CROCC2: variants seen among roughly 807,000 people sequenced by gnomAD.
CROCC2 encodes ciliary rootlet coiled-coil protein 2.
Under a neutral mutation model 177.6 loss-of-function variants are expected in CROCC2, and 163 were observed. The observed-to-expected ratio is 0.92, with a 90% CI of 0.81 to 1.05. The LOEUF (loss-of-function observed/expected upper bound fraction) is 1.05. Ranked by LOEUF, CROCC2 falls within the 50% of genes least tolerant of loss-of-function variation. CROCC2 has a pLI of 0.00. For synonymous variants in CROCC2, 904 were observed against 787.3 expected, an observed-to-expected ratio of 1.15 and a Z score of -2.48; for missense variants, 1,929 against 1,797.8, an observed-to-expected ratio of 1.07 and a Z score of -1.32.
At chr2:240,930,118 G>A (rs991107043) in intron 5 of CROCC2, 48 bp from the exon 6 acceptor site, 1 of 531,468 alleles carries the variant, frequency 1.9e-6, no homozygotes, top group African/African-American at 1.9e-5. Flanking sequence ...CTTCAGGGAG[G>A]GTAAAGGGGC....
At chr2:240,944,958 A>C (rs571702803) in intron 14 of CROCC2, among the ~76,000 whole-genome samples, 45 of 152,194 alleles carry the variant, frequency 3.0e-4, no homozygotes, top group Admixed American at 5.2e-4. Context: ...TGTTTTTGAG[A>C]GAGGGTCTCA....
In CROCC2 at chr2:240,934,384, T is replaced by A; in HGVS notation, c.1700T>A (p.Leu567Gln). 6.5e-7 allele frequency: 1 copy of A among 1,548,738 alleles called. No homozygotes were observed. The highest frequency in any genetic ancestry group is 8.7e-7 in the Non-Finnish European group (1 of 1,146,904). ...EEKVSGLREE[L>Q]ASVREALSTA... ...AAGGTCTCCGGGCTCAGAGAGGAGC[T>A]GGCATCGGTCCGGGAGGCACTGAGC... is the stretch of plus-strand genomic sequence containing the variant. Residue 567 changes from leucine (L) to glutamine (Q), a missense_variant, in exon 12 of 32, where the codon CTG becomes CAG. This residue lies in a region of CROCC2 where 1,397 missense variants were observed against 1,239.9 expected (regional missense o/e 1.13). Coordinates refer to ENST00000690015, the MANE Select transcript of CROCC2 (RefSeq NM_001351305.2).
rs571630659 is a variant in CROCC2, at chr2:240,921,628, G to A, written c.382-911G>A. ...GCAAAGTGTGGGTGCCAGGAGGCTG[G>A]GTCTAACTCCAAGTTACCCCCAAGA... On this transcript the variant is annotated intron_variant, in intron 3 of 31. Transcript: ENST00000690015. Among the ~76,000 whole-genome samples the A allele has an allele frequency of 1.3e-4, 20 of 152,334 alleles. No homozygotes were observed. The East Asian group carries it at 3.5e-3, about 27-fold the overall frequency.
chr2:240,914,990 C>T (rs1375778628), intron 1 of CROCC2, among the ~76,000 whole-genome samples: 1 of 152,250 alleles, frequency 6.6e-6, no homozygotes, highest in Non-Finnish European at 1.5e-5. Flanking sequence ...CCAGATAAAG[C>T]CAAGACTCGG....
intron 10 of CROCC2, among the ~76,000 whole-genome samples, 152 bp from the exon 11 acceptor site, chr2:240,933,518 A>G (rs1009376668): frequency 6.6e-6 from 1 of 151,856 alleles, no homozygotes; most frequent in Non-Finnish European, 1.5e-5. Context: ...GGTGGGACAC[A>G]CCCGCCAGTG....
Position 240,989,663 on chromosome 2 carries a change from A to G in CROCC2, c.4693A>G (p.Thr1565Ala). ...CAAGTTCTCACTCCAGGCCCAGATG[A>G]CAGAGATGGAGCAGGCCCACACCCA... ...RQNQQLQAQM[T>A]EMEQAHTQRL... The change falls in exon 30 of 32, where the codon ACA becomes GCA. Residue 1565 changes from threonine (T) to alanine (A), a missense_variant. Coordinates refer to ENST00000690015, the MANE Select transcript of CROCC2 (RefSeq NM_001351305.2). 6.5e-7 allele frequency: 1 copy of G among 1,545,626 alleles called. No individual in the cohort carries two copies. The highest frequency in any genetic ancestry group is 8.7e-7 in the Non-Finnish European group (1 of 1,143,404).
intron 19 of CROCC2, chr2:240,959,070 C>G (rs1002604995): frequency 9.8e-6 from 5 of 509,822 alleles, no homozygotes; most frequent in Non-Finnish European, 1.7e-5. Flanking sequence ...TGTCCGTGGG[C>G]ACTCACACAT....
At position 240,920,477 on chromosome 2, in the gene CROCC2, C is replaced by G. The variant is rs150209945; in HGVS notation, c.381+343C>G. On this transcript the variant is annotated intron_variant, in intron 3 of 31. Coordinates refer to ENST00000690015, the MANE Select transcript of CROCC2 (RefSeq NM_001351305.2). ...GGGTGGCCTGGCCAGTCCTGACTCGCGGGGCCCAGTGCTCTGCCCAGCACT... is the reference window on the plus strand; with the variant it reads ...GGGTGGCCTGGCCAGTCCTGACTCGGGGGGCCCAGTGCTCTGCCCAGCACT... 2.5e-3 allele frequency among the ~76,000 whole-genome samples: 380 copies of G among 152,276 alleles called. 1 individual carries two copies. The highest frequency in any genetic ancestry group is 8.8e-3 in the African/African-American group (366 of 41,552).
chr2:240,910,050 C>T (rs2059277635), intron 1 of CROCC2, among the ~76,000 whole-genome samples: 1 of 152,148 alleles, frequency 6.6e-6, no homozygotes, highest in Admixed American at 6.5e-5. Flanking sequence ...GCTCTCCCCT[C>T]CTTTGGAAGC....
At chr2:240,968,077 G>A (rs2059695746) in intron 26 of CROCC2, 52 bp from the exon 27 acceptor site, 3 of 1,381,608 alleles carry the variant, frequency 2.2e-6, no homozygotes, top group African/African-American at 3.0e-5. Flanking sequence ...TTGCCTGCCT[G>A]TGACCTGGGA....
At position 240,928,376 on chromosome 2, in the gene CROCC2, G is replaced by A. The variant is rs965109756; in HGVS notation, c.646-1790G>A. Reference sequence around the variant, plus strand: ...CTGTTTAACTCCGACATTCTGGACAGGCAGTTTTCCTTATAATCTCTTGCA... The same window carrying A: ...CTGTTTAACTCCGACATTCTGGACAAGCAGTTTTCCTTATAATCTCTTGCA... On this transcript the variant is annotated intron_variant, in intron 5 of 31. Coordinates refer to ENST00000690015, the MANE Select transcript of CROCC2 (RefSeq NM_001351305.2). Among the ~76,000 whole-genome samples, 4 of 151,956 alleles carry A rather than the reference G, an allele frequency of 2.6e-5. No individual in the cohort carries two copies. The East Asian group carries it at 5.8e-4, about 22-fold the overall frequency.
intron 27 of CROCC2, among the ~76,000 whole-genome samples, chr2:240,970,019 C>T (rs370590723): frequency 1.2e-4 from 18 of 152,194 alleles, no homozygotes; most frequent in Non-Finnish European, 7.3e-5. Context: ...TGTGAGCCAC[C>T]GTGCCCAGTT....
intron 14 of CROCC2, among the ~76,000 whole-genome samples, chr2:240,942,755 A>G (rs1574765468): frequency 1.3e-5 from 2 of 152,158 alleles, no homozygotes; most frequent in Admixed American, 6.5e-5. Context: ...CCAGGGTATA[A>G]TATAACTCTC....
At chr2:240,986,263 C>A (rs943385652) in intron 28 of CROCC2, among the ~76,000 whole-genome samples, 1 of 152,188 alleles carries the variant, frequency 6.6e-6, no homozygotes, top group African/African-American at 2.4e-5. Context: ...CCAGAGTCCC[C>A]GCGGAAGCTG....
Position 240,933,700 on chromosome 2 carries a change from G to A in CROCC2, c.1494G>A (p.Glu498=), listed in dbSNP as rs753566363. 1.3e-6 allele frequency: 2 copies of A among 1,550,382 alleles called. No homozygotes were observed. The highest frequency in any genetic ancestry group is 1.2e-5 in the South Asian group (1 of 84,060). The change falls in exon 11 of 32, where the codon GAG becomes GAA. Residue 498 remains glutamate (E), a synonymous_variant. Transcript: ENST00000690015. ...AGGCTGCTCTGGAGATGGTGGTGGA[G>A]GAGCTGAAAGGGAAGGCAGATGCTG... ...REKAALEMVV[E]ELKGKADAAD... is the part of the protein sequence containing the mutation.
At chr2:240,930,334 GA>G in intron 6 of CROCC2, 65 bp downstream of exon 6, 1 of 468,380 alleles carries the variant, frequency 2.1e-6, no homozygotes, top group Non-Finnish European at 3.9e-6. Context: ...CCCCCTTGGG[GA>G]GGGGGAAATC....
At chr2:240,967,905 C>A (rs1002660654) in intron 26 of CROCC2, among the ~76,000 whole-genome samples, 1 of 151,966 alleles carries the variant, frequency 6.6e-6, no homozygotes. Context: ...GCCTCACACT[C>A]ACGAGTTTCT....
intron 28 of CROCC2, chr2:240,983,710 C>A: frequency 9.5e-7 from 1 of 1,055,902 alleles, no homozygotes; most frequent in Non-Finnish European, 1.3e-6. Context: ...GCACTAAGCT[C>A]AGGGTCAGGA....
At chr2:240,916,352 C>T (rs1369665378) in intron 1 of CROCC2, among the ~76,000 whole-genome samples, 3 of 147,170 alleles carry the variant, frequency 2.0e-5, no homozygotes, top group Non-Finnish European at 4.5e-5. Context: ...GCCCACTCTA[C>T]GCCCCCTGCG....
Sources: gnomAD v4.1 joint callset for allele counts (sites outside exome capture counted in the v4.1 genomes callset) on GRCh38, gnomAD v4.1.1 for gene constraint, gnomAD v4.1.1 regional missense constraint, MANE v1.5 for transcripts, NCBI Gene and HGNC (gene_info 2026-07-23, HGNC 2026-07-21) for gene names.